Variants in PRKCA observed in about 807,000 individuals in gnomAD.
PRKCA encodes protein kinase C alpha type.
PRKCA carries 27 observed loss-of-function variants against 87.0 expected under a neutral mutation model. The observed-to-expected ratio is 0.31, with a 90% CI of 0.23 to 0.43. PRKCA has a LOEUF of 0.43. PRKCA is among the 20% of genes least tolerant of loss of function. The pLI is 1.00. For missense variants in PRKCA, 518 were observed against 852.3 expected (o/e 0.61, Z 4.88); for synonymous variants, 329 against 311.1 (o/e 1.06, Z -0.61).
chr17:66,478,540 C>T (rs1313395751), intron 2 of PRKCA, among the ~76,000 whole-genome samples: 1 of 152,080 alleles, frequency 6.6e-6, no homozygotes, highest in Non-Finnish European at 1.5e-5. Flanking sequence ...AGGCATGGAC[C>T]ACCGCGCCCA....
rs57003663 is a variant in PRKCA at position 66,397,275 on chromosome 17, C to CTTTTT, written c.205+91165_205+91169dup. Among the ~76,000 whole-genome samples the CTTTTT allele has an allele frequency of 6.3e-4, 59 of 93,646 alleles. 1 individual carries two copies. Among genetic ancestry groups the CTTTTT allele is most frequent in the East Asian group, 5.2e-3 (15 of 2,890 alleles). The allele number at this position is 93,646 out of a possible 152,430, so 61.4% of individuals were successfully genotyped here. A position where few individuals can be genotyped will look rare whatever the true frequency, so the allele number is the denominator to read the frequency against. On this transcript the variant is annotated intron_variant, in intron 2 of 16. Coordinates refer to ENST00000413366, the MANE Select transcript of PRKCA (RefSeq NM_002737.3). ...CCAGCATGCCCGGCCCCAGTGTAGACTTTTTTTTTTTTTTTTTTTTTAGGG... is the reference window on the plus strand; with the variant it reads ...CCAGCATGCCCGGCCCCAGTGTAGACTTTTTTTTTTTTTTTTTTTTTTTTTTAGGG...
chr17:66,506,454 CCTGA>C (rs1349618975), intron 3 of PRKCA, among the ~76,000 whole-genome samples: 5 of 152,054 alleles, frequency 3.3e-5, no homozygotes, highest in African/African-American at 1.2e-4. Flanking sequence ...AAGCCGAGTG[CCTGA>C]TACAGGGCCT....
intron 3 of PRKCA, among the ~76,000 whole-genome samples, chr17:66,596,082 G>A (rs551866584): frequency 2.0e-5 from 3 of 152,226 alleles, no homozygotes; most frequent in South Asian, 4.2e-4. Context: ...GTGTGGAGCC[G>A]GCTAGCACGT....
At chr17:66,671,914 G>A (rs900753589) in intron 5 of PRKCA, among the ~76,000 whole-genome samples, 1 of 152,138 alleles carries the variant, frequency 6.6e-6, no homozygotes, top group Admixed American at 6.6e-5. Context: ...GAAAGATAGG[G>A]CTTATTCCAC....
At chr17:66,361,558 G>T (rs1168840378) in intron 2 of PRKCA, among the ~76,000 whole-genome samples, 1 of 151,998 alleles carries the variant, frequency 6.6e-6, no homozygotes, top group African/African-American at 2.4e-5. Flanking sequence ...TGATCCATCC[G>T]CCTCGGCCTC....
chr17:66,410,234 T>C (rs1328339802), intron 2 of PRKCA, among the ~76,000 whole-genome samples: 1 of 152,154 alleles, frequency 6.6e-6, no homozygotes, highest in Non-Finnish European at 1.5e-5. Context: ...AATGATTTTT[T>C]TGTTTGTGTT....
chr17:66,370,530 A>AT (rs953325000), intron 2 of PRKCA, among the ~76,000 whole-genome samples: 7 of 113,302 alleles, frequency 6.2e-5, no homozygotes, highest in South Asian at 2.9e-4. Context: ...ATTTGATACT[A>AT]TTTTTTTTCT....
At chr17:66,635,539 G>A (rs906708380) in intron 3 of PRKCA, among the ~76,000 whole-genome samples, 2 of 152,198 alleles carry the variant, frequency 1.3e-5, no homozygotes, top group African/African-American at 4.8e-5. Flanking sequence ...TTAGAGAAAA[G>A]CGTCCTAATT....
chr17:66,468,615 AG>A (rs112269740), intron 2 of PRKCA, among the ~76,000 whole-genome samples: 9,668 of 152,200 alleles, frequency 0.064, 1,017 homozygotes, highest in African/African-American at 0.22. Context: ...GTAAATGCCC[AG>A]GGTTGTCTGA....
At chr17:66,360,666 A>G (rs1908338499) in intron 2 of PRKCA, among the ~76,000 whole-genome samples, 1 of 152,148 alleles carries the variant, frequency 6.6e-6, no homozygotes, top group Admixed American at 6.5e-5. Flanking sequence ...AGTCAGATTT[A>G]AGGGATAAGT....
chr17:66,420,156 A>C (rs922482749), intron 2 of PRKCA, among the ~76,000 whole-genome samples: 7 of 151,796 alleles, frequency 4.6e-5, no homozygotes, highest in African/African-American at 2.4e-5. Context: ...GGACTGCAGA[A>C]GTATGCCACC....
intron 2 of PRKCA, among the ~76,000 whole-genome samples, chr17:66,493,295 A>ATTTGTGTG (rs1251435990): frequency 1.6e-4 from 14 of 87,196 alleles, no homozygotes; most frequent in African/African-American, 6.0e-4. Flanking sequence ...ATGTAGGTAT[A>ATTTGTGTG]TTTGTGTGTG....
At chr17:66,495,028 G>A (rs546291486) in intron 2 of PRKCA, among the ~76,000 whole-genome samples, 1 of 151,736 alleles carries the variant, frequency 6.6e-6, no homozygotes, top group Admixed American at 6.6e-5. Flanking sequence ...CTTGAACCCA[G>A]GAGGTTGAGG....
chr17:66,337,295 CCTT>C (rs1323378161), intron 2 of PRKCA, among the ~76,000 whole-genome samples: 1 of 152,118 alleles, frequency 6.6e-6, no homozygotes, highest in Non-Finnish European at 1.5e-5. Context: ...AGGACAGTGA[CCTT>C]CTCACCTTAT....
intron 2 of PRKCA, among the ~76,000 whole-genome samples, chr17:66,494,215 C>T (rs1433288117): frequency 6.6e-6 from 1 of 152,172 alleles, no homozygotes; most frequent in Non-Finnish European, 1.5e-5. Flanking sequence ...GAGAAAATAG[C>T]GTATGAGCCA....
chr17:66,798,407 A>ATGGTGGTGGTGG (rs1975727297), intron 16 of PRKCA, among the ~76,000 whole-genome samples: 1 of 47,534 alleles, frequency 2.1e-5, no homozygotes, highest in African/African-American at 1.0e-4. Flanking sequence ...GGTGGTGGTG[A>ATGGTGGTGGTGG]TGGTGATGGT....
chr17:66,489,394 T>C (rs1325485511), intron 2 of PRKCA, among the ~76,000 whole-genome samples: 1 of 123,638 alleles, frequency 8.1e-6, no homozygotes, highest in Admixed American at 8.3e-5. Flanking sequence ...TATATATATA[T>C]ATTTCCCCCC....
At chr17:66,773,525 A>AT (rs967913272) in intron 13 of PRKCA, among the ~76,000 whole-genome samples, 1 of 140,634 alleles carries the variant, frequency 7.1e-6, no homozygotes. Context: ...AATTAAAAAA[A>AT]TTTTTTTTAA....
intron 3 of PRKCA, among the ~76,000 whole-genome samples, chr17:66,522,892 T>C (rs1967215920): frequency 6.6e-6 from 1 of 152,090 alleles, no homozygotes; most frequent in African/African-American, 2.4e-5. Flanking sequence ...CAGTGGGGTC[T>C]TGATTTCTGC....
Sources: allele counts gnomAD v4.1 joint callset (sites outside exome capture counted in the v4.1 genomes callset), GRCh38; gene constraint gnomAD v4.1.1; transcripts MANE v1.5; gene names NCBI Gene and HGNC (gene_info 2026-07-23, HGNC 2026-07-21).